The following NTNG2 variants were observed in gnomAD, a reference collection of about 807,000 sequenced individuals.
NTNG2 encodes the protein netrin-G2.
Under a neutral mutation model 47.6 loss-of-function variants are expected in NTNG2, and 15 were observed. That is an observed-to-expected ratio of 0.32 (90% CI 0.21 to 0.49). NTNG2 has a LOEUF of 0.49. Among genes scored for constraint, NTNG2 ranks in the 20% least tolerant of loss-of-function variants. NTNG2 has a pLI of 0.99. For missense variants in NTNG2, 578 were observed against 764.6 expected (o/e 0.76, Z 2.88); for synonymous variants, 307 against 324.6 (o/e 0.95, Z 0.58).
intron 2 of NTNG2, among the ~76,000 whole-genome samples, chr9:132,184,797 C>T (rs985505767): frequency 6.6e-6 from 1 of 152,330 alleles, no homozygotes; most frequent in African/African-American, 2.4e-5. Context: ...GAGGCACATC[C>T]GGTAATCCCA....
chr9:132,220,811 T>C (rs568710745), intron 3 of NTNG2, among the ~76,000 whole-genome samples: 3 of 152,354 alleles, frequency 2.0e-5, no homozygotes, highest in South Asian at 2.1e-4. Context: ...AGTTAATTTT[T>C]ATATGTGATG....
At chr9:132,188,050 G>A (rs1359952144) in intron 2 of NTNG2, among the ~76,000 whole-genome samples, 3 of 152,252 alleles carry the variant, frequency 2.0e-5, no homozygotes, top group Non-Finnish European at 4.4e-5. Context: ...ATTGATTTAT[G>A]CACCTGCCCA....
chr9:132,202,449 G>A (rs534759754), intron 3 of NTNG2, among the ~76,000 whole-genome samples: 1 of 152,286 alleles, frequency 6.6e-6, no homozygotes, highest in Non-Finnish European at 1.5e-5. Context: ...ACAGGCACCC[G>A]CAAGTCCCAG....
intron 2 of NTNG2, among the ~76,000 whole-genome samples, chr9:132,185,100 G>A (rs899742590): frequency 5.3e-5 from 8 of 152,110 alleles, no homozygotes; most frequent in Non-Finnish European, 1.0e-4. Flanking sequence ...TAGAGGGGTC[G>A]GTGGAGGCCC....
rs999569501 is a variant in NTNG2, at chr9:132,170,538, C to G, written c.213+3494C>G. On this transcript the variant is annotated intron_variant, in intron 2 of 7. Coordinates refer to ENST00000393229, the MANE Select transcript of NTNG2 (RefSeq NM_032536.4). ...CAGGGCAACTGCTGCTTGCAGGACC[C>G]TTGGAGATGGGGAGGGCGTGACTGG... 2.0e-5 allele frequency among the ~76,000 whole-genome samples: 3 copies of G among 152,302 alleles called. No homozygotes were observed. The East Asian group carries it at 5.8e-4, about 29-fold the overall frequency.
At chr9:132,212,584 AC>A (rs1839667096) in intron 3 of NTNG2, among the ~76,000 whole-genome samples, 1 of 151,922 alleles carries the variant, frequency 6.6e-6, no homozygotes, top group Admixed American at 6.6e-5. Context: ...AACCCAGACC[AC>A]CCAGACCTCC....
rs771590912 is a variant in NTNG2, at chr9:132,162,535, AGTGT to A, written c.-484+314_-484+317del. ...GGGTCCTTTCCGTCGTGTGTGTGAG[AGTGT>A]GTGTGTGTGTGTGTGTGAGAGAGAG... On this transcript the variant is annotated intron_variant, in intron 1 of 7. Coordinates refer to ENST00000393229, the MANE Select transcript of NTNG2 (RefSeq NM_032536.4). The surrounding 1 kb of genome is among the most constrained non-coding windows in gnomAD (Gnocchi z 4.6). Among the ~76,000 whole-genome samples, 37 of 78,274 alleles carry A rather than the reference AGTGT, an allele frequency of 4.7e-4. No homozygotes were observed. Among genetic ancestry groups the A allele is most frequent in the South Asian group, 3.8e-4 (1 of 2,662 alleles). The allele number at this position is 78,274 out of a possible 152,430, so 51.4% of individuals were successfully genotyped here. A position where few individuals can be genotyped will look rare whatever the true frequency, so the allele number is the denominator to read the frequency against.
chr9:132,167,021 C>A lies in NTNG2; in HGVS notation c.190C>A (p.Pro64Thr), dbSNP rs1330996780. 1.9e-6 allele frequency: 3 copies of A among 1,614,176 alleles called. No individual in the cohort carries two copies. Among genetic ancestry groups the A allele is most frequent in the Admixed American group, 1.7e-5 (1 of 60,024 alleles). ...VEPSGITCGDPPERFCSHENP... is the reference protein window; with the variant it reads ...VEPSGITCGDTPERFCSHENP... ...GCCCTCAGGCATCACATGTGGAGACCCCCCTGAGAGGTTCTGCTCCCATGT... is the reference window on the plus strand; with the variant it reads ...GCCCTCAGGCATCACATGTGGAGACACCCCTGAGAGGTTCTGCTCCCATGT... Residue 64 changes from proline to threonine, a missense_variant, in exon 2 of 8, where the codon CCC becomes ACC. Coordinates refer to ENST00000393229, the MANE Select transcript of NTNG2 (RefSeq NM_032536.4).
At chr9:132,176,849 A>G (rs1201040005) in intron 2 of NTNG2, among the ~76,000 whole-genome samples, 1 of 152,026 alleles carries the variant, frequency 6.6e-6, no homozygotes, top group African/African-American at 2.4e-5. Context: ...CCTTGTCAAC[A>G]CTTGTTATTT....
chr9:132,240,334 C>G (rs1310267974), intron 6 of NTNG2, among the ~76,000 whole-genome samples: 1 of 152,254 alleles, frequency 6.6e-6, no homozygotes, highest in Non-Finnish European at 1.5e-5. Flanking sequence ...CTGGCACCCT[C>G]CTCCTCTCCC....
At chr9:132,235,497 A>T (rs12340081) in intron 5 of NTNG2, among the ~76,000 whole-genome samples, 2 of 152,026 alleles carry the variant, frequency 1.3e-5, no homozygotes, top group Non-Finnish European at 2.9e-5. Flanking sequence ...TTTGGACCCA[A>T]TTCCTTTGGC....
At chr9:132,170,548 G>A (rs1418602369) in intron 2 of NTNG2, among the ~76,000 whole-genome samples, 1 of 152,224 alleles carries the variant, frequency 6.6e-6, no homozygotes, top group Non-Finnish European at 1.5e-5. Flanking sequence ...CTTGGAGATG[G>A]GGAGGGCGTG....
rs149825104 is a variant in NTNG2 at position 132,236,069 on chromosome 9, C to T, written c.1055-3035C>T. Among the ~76,000 whole-genome samples the T allele has an allele frequency of 3.3e-5, 5 of 152,220 alleles. No individual in the cohort carries two copies. The highest frequency in any genetic ancestry group is 4.8e-5 in the African/African-American group (2 of 41,456). Reference sequence around the variant, plus strand: ...AGGCCCCGCCTCCCACGACAGGAACCCCCCTCTCCAGCTGCCCTTGCTCAC... The same window carrying T: ...AGGCCCCGCCTCCCACGACAGGAACTCCCCTCTCCAGCTGCCCTTGCTCAC... On this transcript the variant is annotated intron_variant, in intron 5 of 7. Transcript: ENST00000393229. This position sits in a 1 kb window ranked among gnomAD's most constrained non-coding sequence, Gnocchi z 4.3.
chr9:132,241,101 C>A, intron 7 of NTNG2, 57 bp downstream of exon 7: 2 of 1,498,530 alleles, frequency 1.3e-6, no homozygotes, highest in Non-Finnish European at 1.8e-6. Flanking sequence ...GGGGCAGGAC[C>A]GAGGCAGTGG....
At chr9:132,169,210 G>T (rs1437285949) in intron 2 of NTNG2, among the ~76,000 whole-genome samples, 1 of 152,258 alleles carries the variant, frequency 6.6e-6, no homozygotes, top group Non-Finnish European at 1.5e-5. Flanking sequence ...AGTCCTCGGC[G>T]TCTCGCCACC....
At chr9:132,165,482 T>C (rs1472570648) in intron 1 of NTNG2, among the ~76,000 whole-genome samples, 1 of 152,178 alleles carries the variant, frequency 6.6e-6, no homozygotes. Flanking sequence ...GTCTTCAATA[T>C]CCCTAGTTTC....
intron 2 of NTNG2, among the ~76,000 whole-genome samples, chr9:132,168,744 G>A (rs982112683): frequency 3.9e-5 from 6 of 152,130 alleles, no homozygotes; most frequent in Admixed American, 1.3e-4. Flanking sequence ...TTCTCCACAC[G>A]CTCTCGGGCA....
At chr9:132,239,381 G>T in intron 6 of NTNG2, 110 bp downstream of exon 6, 1 of 1,050,598 alleles carries the variant, frequency 9.5e-7, no homozygotes, top group Non-Finnish European at 1.4e-6. Flanking sequence ...TGGGGAGACT[G>T]TGGGAATTCT....
intron 3 of NTNG2, among the ~76,000 whole-genome samples, chr9:132,214,134 C>T (rs1321692517): frequency 1.3e-5 from 2 of 152,258 alleles, no homozygotes; most frequent in African/African-American, 4.8e-5. Context: ...ACCGCTTCCT[C>T]CGTCATTCCC....
Sources: allele counts gnomAD v4.1 joint callset (sites outside exome capture counted in the v4.1 genomes callset), GRCh38; gene constraint gnomAD v4.1.1; non-coding constraint Gnocchi (gnomAD v3.1); transcripts MANE v1.5; gene names NCBI Gene and HGNC (gene_info 2026-07-23, HGNC 2026-07-21).